FRMD6: variants seen among roughly 807,000 people sequenced by gnomAD.
FRMD6 encodes the protein FERM domain containing 6, also known as FERM domain-containing protein 6.
FRMD6 carries 37 observed loss-of-function variants against 73.2 expected under a neutral mutation model. The observed-to-expected ratio is 0.51, with a 90% CI of 0.39 to 0.66. The LOEUF (loss-of-function observed/expected upper bound fraction) is 0.66. FRMD6 is among the 30% of genes least tolerant of loss of function. FRMD6 has a pLI of 0.00. For missense variants in FRMD6, 714 were observed against 780.5 expected (o/e 0.91, Z 1.02); for synonymous variants, 273 against 282.2 (o/e 0.97, Z 0.33).
intron 1 of FRMD6, among the ~76,000 whole-genome samples, chr14:51,663,277 G>T (rs1238306070): frequency 6.6e-6 from 1 of 152,148 alleles, no homozygotes; most frequent in Non-Finnish European, 1.5e-5. Context: ...ATACCCAAAG[G>T]AATATAAATC....
intron 7 of FRMD6, among the ~76,000 whole-genome samples, chr14:51,708,624 C>T (rs999896936): frequency 3.9e-5 from 6 of 152,052 alleles, no homozygotes; most frequent in African/African-American, 1.4e-4. Flanking sequence ...GCTATACCTG[C>T]GTTGTATCCG....
At chr14:51,618,782 A>C (rs1426875992) in intron 2 of FRMD6, among the ~76,000 whole-genome samples, 1 of 152,116 alleles carries the variant, frequency 6.6e-6, no homozygotes, top group Non-Finnish European at 1.5e-5. Flanking sequence ...AGAATCATTC[A>C]ATTGAAATGG....
chr14:51,481,952 A>G, the FRMD6 span, among the ~76,000 whole-genome samples: 1 of 152,174 alleles, frequency 6.6e-6, no homozygotes, highest in Non-Finnish European at 1.5e-5. Flanking sequence ...TTCAAATTGC[A>G]TTTTATAATT....
At chr14:51,688,046 G>C (rs958374706) in intron 1 of FRMD6, among the ~76,000 whole-genome samples, 1 of 151,874 alleles carries the variant, frequency 6.6e-6, no homozygotes, top group Non-Finnish European at 1.5e-5. Context: ...CAAACACCCA[G>C]GTGATTCTGA....
At chr14:51,449,772 A>C in the FRMD6 span, among the ~76,000 whole-genome samples, 2 of 152,310 alleles carry the variant, frequency 1.3e-5, no homozygotes, top group East Asian at 3.9e-4. Flanking sequence ...AATTAAATCC[A>C]ATAAAACACA....
Position 51,689,652 on chromosome 14 carries a change from C to T in FRMD6, c.-146-39C>T, listed in dbSNP as rs116600942. 2,514 of 598,878 alleles carry T rather than the reference C, an allele frequency of 4.2e-3. 59 individuals are homozygous for T. Among genetic ancestry groups the T allele is most frequent in the African/African-American group, 0.042 (2,234 of 53,816 alleles). The allele number at this position is 598,878 out of a possible 1,614,324, so 37.1% of individuals were successfully genotyped here. A position where few individuals can be genotyped will look rare whatever the true frequency, so the allele number is the denominator to read the frequency against. ...CTGACGCGCTCTTCGCAGTCTTCAC[C>T]GCCTTTCTTCAGGAGTCTCCCCTTT... On this transcript the variant is annotated intron_variant, in intron 1 of 13. Coordinates refer to ENST00000344768, the MANE Select transcript of FRMD6 (RefSeq NM_001267046.2).
intron 1 of FRMD6, among the ~76,000 whole-genome samples, chr14:51,670,557 T>C (rs958936106): frequency 3.9e-5 from 6 of 152,230 alleles, no homozygotes; most frequent in African/African-American, 1.4e-4. Flanking sequence ...TGTAGTTGCA[T>C]TGAATATATA....
At chr14:51,536,077 T>TA (rs1566799268) in intron 1 of FRMD6, among the ~76,000 whole-genome samples, 2 of 139,008 alleles carry the variant, frequency 1.4e-5, no homozygotes, top group East Asian at 4.3e-4. Context: ...ATATATATAT[T>TA]TTATATATAT....
At chr14:51,724,448 T>C (rs1473237870) in intron 12 of FRMD6, among the ~76,000 whole-genome samples, 1 of 152,254 alleles carries the variant, frequency 6.6e-6, no homozygotes, top group Admixed American at 6.5e-5. Context: ...TAATGCTCTT[T>C]AGAAGATAAA....
rs146404202 is a variant in FRMD6, at chr14:51,617,534, A to C, written c.-147+47124A>C. Among the ~76,000 whole-genome samples the C allele has an allele frequency of 3.8e-3, 579 of 152,278 alleles. 3 individuals are homozygous for C. Among genetic ancestry groups the C allele is most frequent in the Non-Finnish European group, 6.6e-3 (452 of 68,022 alleles). On this transcript the variant is annotated intron_variant, in intron 2 of 14. Coordinates refer to the FRMD6 transcript ENST00000356218. ...TATTATGTAACATATATTTAATATG[A>C]TATATTGCTGCACATATATGTTTGA... is the stretch of plus-strand genomic sequence containing the variant.
the FRMD6 span, chr14:51,436,616 G>T: frequency 1.2e-3 from 662 of 555,530 alleles, 1 homozygote; most frequent in Non-Finnish European, 1.8e-3. Context: ...GCAGGAAGAA[G>T]CAGCATGCGG....
chr14:51,450,991 G>T, the FRMD6 span, among the ~76,000 whole-genome samples: 3 of 152,194 alleles, frequency 2.0e-5, no homozygotes, highest in African/African-American at 7.2e-5. Flanking sequence ...CCTGCAGAGT[G>T]GGCATGTCAC....
intron 5 of FRMD6, 169 bp from the exon 6 acceptor site, chr14:51,704,580 G>A: frequency 1.8e-6 from 1 of 570,714 alleles, no homozygotes; most frequent in Non-Finnish European, 3.1e-6. Context: ...ACCTCAGTGA[G>A]GCAGCTATCA....
the FRMD6 span, chr14:51,436,135 T>C: frequency 1.6e-5 from 4 of 252,948 alleles, no homozygotes; most frequent in Non-Finnish European, 2.3e-5. Flanking sequence ...TCTGCAGGCT[T>C]ACTGAAGAAG....
chr14:51,579,539 G>T (rs370339228), intron 2 of FRMD6, among the ~76,000 whole-genome samples: 1 of 152,194 alleles, frequency 6.6e-6, no homozygotes, highest in Non-Finnish European at 1.5e-5. Context: ...TACTTTAGAT[G>T]ATAGCTCCAT....
At chr14:51,691,323 G>T (rs1363044440) in intron 2 of FRMD6, among the ~76,000 whole-genome samples, 1 of 152,130 alleles carries the variant, frequency 6.6e-6, no homozygotes, top group Non-Finnish European at 1.5e-5. Context: ...GTATGCACAT[G>T]TAGAAATATT....
chr14:51,697,673 AT>A (rs1482884934), intron 2 of FRMD6, among the ~76,000 whole-genome samples: 1 of 152,132 alleles, frequency 6.6e-6, no homozygotes, highest in Non-Finnish European at 1.5e-5. Context: ...CATAATGCAT[AT>A]GTTAGTCTGA....
intron 6 of FRMD6, among the ~76,000 whole-genome samples, chr14:51,705,454 T>C (rs1335752536): frequency 1.3e-5 from 2 of 152,110 alleles, no homozygotes; most frequent in African/African-American, 4.8e-5. Context: ...ACCCTGTCTG[T>C]TTCTCTTCCC....
At chr14:51,462,783 G>A in the FRMD6 span, among the ~76,000 whole-genome samples, 1 of 145,564 alleles carries the variant, frequency 6.9e-6, no homozygotes, top group African/African-American at 2.6e-5. Context: ...AATAAGGGAG[G>A]AAGAGAGAGA....
Sources: gnomAD v4.1 joint callset for allele counts (sites outside exome capture counted in the v4.1 genomes callset) on GRCh38, gnomAD v4.1.1 for gene constraint, MANE v1.5 for transcripts, NCBI Gene and HGNC (gene_info 2026-07-23, HGNC 2026-07-21) for gene names.